Variants in STOX2 observed in about 807,000 individuals in gnomAD.
STOX2 encodes storkhead box 2.
In STOX2, 28 loss-of-function variants were observed where a neutral mutation model predicts 60.9. That is an observed-to-expected ratio of 0.46 (90% CI 0.34 to 0.63). The LOEUF is 0.63. Ranked by LOEUF, STOX2 falls within the 30% of genes least tolerant of loss-of-function variation. STOX2 has a pLI of 0.01. For synonymous variants in STOX2, 472 were observed against 463.9 expected (o/e 1.02, Z -0.22); for missense variants, 1,024 against 1,187.7 (o/e 0.86, Z 2.03).
At chr4:183,882,539 A>G (rs1010490495) in intron 1 of STOX2, among the ~76,000 whole-genome samples, 1 of 152,242 alleles carries the variant, frequency 6.6e-6, no homozygotes, top group Non-Finnish European at 1.5e-5. Context: ...AACAAAGCCA[A>G]GCTTTTGGTC....
At chr4:183,896,290 G>A (rs1298183752) in intron 1 of STOX2, among the ~76,000 whole-genome samples, 1 of 152,192 alleles carries the variant, frequency 6.6e-6, no homozygotes, top group Non-Finnish European at 1.5e-5. Flanking sequence ...AGAAGGATGT[G>A]TGGGAGTATC....
At chr4:183,892,075 CT>C (rs1741229483) in intron 1 of STOX2, among the ~76,000 whole-genome samples, 1 of 152,206 alleles carries the variant, frequency 6.6e-6, no homozygotes, top group South Asian at 2.1e-4. Flanking sequence ...TGTTTAACCC[CT>C]GAGCTATACT....
chr4:184,004,170 CT>C (rs1423123066), intron 2 of STOX2, among the ~76,000 whole-genome samples: 3 of 151,828 alleles, frequency 2.0e-5, no homozygotes, highest in African/African-American at 7.3e-5. Context: ...GTTTTTGAGC[CT>C]AAGTATTATT....
At chr4:183,919,471 G>A (rs1742034088) in intron 1 of STOX2, among the ~76,000 whole-genome samples, 1 of 152,174 alleles carries the variant, frequency 6.6e-6, no homozygotes, top group African/African-American at 2.4e-5. Flanking sequence ...AGTGGCTCAG[G>A]CCTGGGATGT....
intron 1 of STOX2, among the ~76,000 whole-genome samples, chr4:183,841,081 T>TG (rs1739847617): frequency 6.6e-6 from 1 of 152,260 alleles, no homozygotes; most frequent in Admixed American, 6.5e-5. Context: ...TTGCCCAGGC[T>TG]GGTCTCAAAT....
chr4:183,914,098 C>G (rs1173299547), intron 1 of STOX2, among the ~76,000 whole-genome samples: 1 of 152,102 alleles, frequency 6.6e-6, no homozygotes, highest in African/African-American at 2.4e-5. Context: ...GCGGTACTCA[C>G]ACCATGTAGT....
chr4:183,861,340 C>T (rs1052385298), intron 1 of STOX2, among the ~76,000 whole-genome samples: 1 of 152,110 alleles, frequency 6.6e-6, no homozygotes, highest in African/African-American at 2.4e-5. Flanking sequence ...CAGTGGGGCC[C>T]CTGTCTTTGT....
chr4:183,848,460 G>A (rs1740035852), intron 1 of STOX2, among the ~76,000 whole-genome samples: 1 of 152,166 alleles, frequency 6.6e-6, no homozygotes. Context: ...TAAGTCACAT[G>A]TTCACTCGTA....
chr4:183,877,739 G>A (rs1053554404), intron 1 of STOX2, among the ~76,000 whole-genome samples: 1 of 152,184 alleles, frequency 6.6e-6, no homozygotes, highest in African/African-American at 2.4e-5. Context: ...GGAGTACAGT[G>A]GGGCGATCTT....
chr4:183,948,042 C>A (rs1248310045), intron 1 of STOX2, among the ~76,000 whole-genome samples: 1 of 151,748 alleles, frequency 6.6e-6, no homozygotes. Context: ...CATGGTGAAA[C>A]CCTGTCTCTA....
chr4:183,881,055 A>G (rs1244527328), intron 1 of STOX2, among the ~76,000 whole-genome samples: 2 of 152,208 alleles, frequency 1.3e-5, no homozygotes, highest in African/African-American at 4.8e-5. Flanking sequence ...GGTCTCTTCA[A>G]GAGCCTTTCT....
intron 1 of STOX2, among the ~76,000 whole-genome samples, chr4:183,843,067 G>C (rs1461422505): frequency 3.4e-5 from 5 of 147,146 alleles, no homozygotes; most frequent in Non-Finnish European, 7.4e-5. Flanking sequence ...AGAATTGCTT[G>C]AACCCAGGAG....
At chr4:183,993,420 G>A (rs537746532) in intron 1 of STOX2, among the ~76,000 whole-genome samples, 4 of 152,278 alleles carry the variant, frequency 2.6e-5, no homozygotes, top group South Asian at 2.1e-4. Context: ...TGTTACTCTC[G>A]TTTAACTTTA....
chr4:183,824,334 C>G lies in STOX2; in HGVS notation c.364+26279C>G, dbSNP rs560953432. ...TATTTTATTATAAATTATTTCTCAC[C>G]GACATTCTACTTTCATTTAAGGCTA... On this transcript the variant is annotated intron_variant, in intron 1 of 2. Transcript: ENST00000513034. 7.9e-5 allele frequency among the ~76,000 whole-genome samples: 12 copies of G among 152,148 alleles called. No individual in the cohort carries two copies. The South Asian group carries it at 2.1e-3, about 26-fold the overall frequency.
chr4:183,955,038 C>T (rs1207093799), intron 1 of STOX2, among the ~76,000 whole-genome samples: 1 of 152,228 alleles, frequency 6.6e-6, no homozygotes, highest in East Asian at 1.9e-4. Flanking sequence ...CAGAGGTAAT[C>T]TCTTCAGACT....
intron 1 of STOX2, among the ~76,000 whole-genome samples, chr4:183,968,675 G>A (rs1290634122): frequency 6.6e-6 from 1 of 151,958 alleles, no homozygotes; most frequent in Non-Finnish European, 1.5e-5. Flanking sequence ...ACCACTTTGT[G>A]GCCCAAGCCA....
chr4:183,825,857 T>A lies in STOX2; in HGVS notation c.364+27802T>A, dbSNP rs1185175193. Among the ~76,000 whole-genome samples the A allele has an allele frequency of 6.6e-6, 1 of 152,040 alleles. No individual in the cohort carries two copies. On this transcript the variant is annotated intron_variant, in intron 1 of 2. Transcript: ENST00000513034. This position sits in a 1 kb window ranked among gnomAD's most constrained non-coding sequence, Gnocchi z 4.1. ...CAAATCAGTGTTTGGGGAAGTTTAG[T>A]CTGGGAACGAGTATGGCAGTCAGTT...
chr4:183,993,693 G>A (rs1733207723), intron 1 of STOX2, among the ~76,000 whole-genome samples: 1 of 152,176 alleles, frequency 6.6e-6, no homozygotes, highest in South Asian at 2.1e-4. Flanking sequence ...ATCGGGCTCA[G>A]CCTTCAACTT....
At chr4:183,954,060 C>T (rs779395045) in intron 1 of STOX2, among the ~76,000 whole-genome samples, 1 of 152,106 alleles carries the variant, frequency 6.6e-6, no homozygotes, top group African/African-American at 2.4e-5. Flanking sequence ...ACACCCCTTC[C>T]GTCGTCATTC....
Sources: allele counts gnomAD v4.1 joint callset (sites outside exome capture counted in the v4.1 genomes callset), GRCh38; gene constraint gnomAD v4.1.1; non-coding constraint Gnocchi (gnomAD v3.1); transcripts MANE v1.5; gene names NCBI Gene and HGNC (gene_info 2026-07-23, HGNC 2026-07-21).